OR2L13: variants seen among roughly 807,000 people sequenced by gnomAD.
OR2L13 encodes olfactory receptor 2L13.
A neutral mutation model predicts 15.3 loss-of-function variants in OR2L13; 14 were observed. That is an observed-to-expected ratio of 0.91 (90% CI 0.60 to 1.43). The LOEUF is 1.43. Ranked by LOEUF, OR2L13 falls within the 40% of genes most tolerant of loss-of-function variation. The pLI is 0.00. For missense variants in OR2L13, 367 were observed against 387.9 expected (o/e 0.95, Z 0.45); for synonymous variants, 152 against 142.9 (o/e 1.06, Z -0.45).
the OR2L13 span, among the ~76,000 whole-genome samples, chr1:247,967,050 C>A: frequency 1.3e-5 from 2 of 151,724 alleles, no homozygotes; most frequent in African/African-American, 4.8e-5. Context: ...ACACACCACA[C>A]ACACACACAC....
At chr1:248,090,719 C>T (rs1664576709), upstream of OR2L13, among the ~76,000 whole-genome samples, 1 of 152,146 alleles carries the variant, frequency 6.6e-6, no homozygotes, top group Non-Finnish European at 1.5e-5. Flanking sequence ...CATGTCTTCG[C>T]TATTGTGAAT....
At chr1:248,003,160 T>C in the OR2L13 span, 7 of 1,409,784 alleles carry the variant, frequency 5.0e-6, no homozygotes, top group Non-Finnish European at 7.0e-6. Context: ...CATCAACTGA[T>C]TTCATCTTAC....
chr1:248,003,286 T>C, the OR2L13 span: 564 of 1,574,876 alleles, frequency 3.6e-4, 4 homozygotes, highest in East Asian at 5.6e-3. Flanking sequence ...TCTTGGACAC[T>C]CATCTCCACA....
the OR2L13 span, among the ~76,000 whole-genome samples, chr1:247,942,629 G>T: frequency 6.6e-6 from 1 of 152,012 alleles, no homozygotes; most frequent in Admixed American, 6.6e-5. Flanking sequence ...AAATTGCTCT[G>T]CAGAGAAGCA....
At chr1:248,038,416 T>G in the OR2L13 span, 2 of 1,613,760 alleles carry the variant, frequency 1.2e-6, no homozygotes, top group Non-Finnish European at 1.7e-6. Context: ...CTCATCTTTT[T>G]GGACATCCAT....
chr1:247,961,378 C>T, the OR2L13 span, among the ~76,000 whole-genome samples: 4 of 152,102 alleles, frequency 2.6e-5, no homozygotes, highest in East Asian at 3.9e-4. Flanking sequence ...AGGAATTGGG[C>T]ATGTGGACTG....
chr1:248,007,666 T>C, the OR2L13 span, among the ~76,000 whole-genome samples: 6 of 152,210 alleles, frequency 3.9e-5, no homozygotes. Flanking sequence ...TTTCTTTCCA[T>C]CCAAATGTTA....
At chr1:247,938,945 G>A in the OR2L13 span, 1 of 152,166 alleles carries the variant, frequency 6.6e-6, no homozygotes. Context: ...GTTGTAGGTC[G>A]CTGGTAGCTG....
chr1:248,028,466 A>G, the OR2L13 span, among the ~76,000 whole-genome samples: 1 of 152,236 alleles, frequency 6.6e-6, no homozygotes, highest in East Asian at 1.9e-4. Flanking sequence ...GAGCTTCTTT[A>G]TAAGTGAATA....
the OR2L13 span, among the ~76,000 whole-genome samples, chr1:247,991,824 A>G: frequency 1.3e-5 from 2 of 149,722 alleles, 1 homozygote; most frequent in East Asian, 4.1e-4. Context: ...CGTTATTTTC[A>G]TAAAAGTTAT....
At chr1:248,100,221 C>G in exon 3 of OR2L13, 1 of 1,613,338 alleles carries the variant, frequency 6.2e-7, no homozygotes, top group Non-Finnish European at 8.5e-7. Context: ...TCCTTACCCC[C>G]ATGCTCAATC....
the OR2L13 span, chr1:248,083,386 A>G: frequency 2.6e-6 from 1 of 390,014 alleles, no homozygotes; most frequent in Non-Finnish European, 4.6e-6. Context: ...TATATTGTCA[A>G]CAGTACTTAT....
chr1:247,999,530 G>A, the OR2L13 span, among the ~76,000 whole-genome samples: 1 of 152,266 alleles, frequency 6.6e-6, no homozygotes, highest in South Asian at 2.1e-4. Flanking sequence ...TACACATTGT[G>A]TAAATATGTG....
chr1:248,041,092 T>C, the OR2L13 span: 4 of 152,190 alleles, frequency 2.6e-5, no homozygotes, highest in African/African-American at 4.8e-5. Context: ...AGTAGTTGCC[T>C]GATGTTGAAA....
At chr1:248,083,858 C>A in the OR2L13 span, 7 of 1,612,322 alleles carry the variant, frequency 4.3e-6, no homozygotes, top group South Asian at 7.7e-5. Flanking sequence ...AAAAGAGTCC[C>A]ACCACAGCCA....
the OR2L13 span, among the ~76,000 whole-genome samples, chr1:248,016,492 T>C: frequency 4.5e-3 from 682 of 152,250 alleles, no homozygotes; most frequent in African/African-American, 0.015. Context: ...GTTTAAATGA[T>C]TGAATTTTAG....
the OR2L13 span, among the ~76,000 whole-genome samples, chr1:248,053,174 A>G: frequency 6.6e-6 from 1 of 152,096 alleles, no homozygotes; most frequent in Non-Finnish European, 1.5e-5. Context: ...TTCATTGTTC[A>G]GCTCCCACTT....
the OR2L13 span, among the ~76,000 whole-genome samples, chr1:248,021,065 C>T: frequency 6.6e-6 from 1 of 151,976 alleles, no homozygotes; most frequent in Admixed American, 6.6e-5. Flanking sequence ...TAATTTATTC[C>T]TAATAAGATC....
the OR2L13 span, among the ~76,000 whole-genome samples, chr1:247,960,718 G>A: frequency 1.8e-4 from 28 of 152,290 alleles, no homozygotes; most frequent in Admixed American, 3.9e-4. Context: ...GTGAGGCTCC[G>A]TTGGCGTAGG....
Sources: gnomAD v4.1 joint callset for allele counts (sites outside exome capture counted in the v4.1 genomes callset) on GRCh38, gnomAD v4.1.1 for gene constraint, MANE v1.5 for transcripts, NCBI Gene and HGNC (gene_info 2026-07-23, HGNC 2026-07-21) for gene names.